The following PTPRT variants were observed in gnomAD, a reference collection of about 807,000 sequenced individuals.
PTPRT encodes protein tyrosine phosphatase receptor type T, also known as receptor-type tyrosine-protein phosphatase T.
In PTPRT, 56 loss-of-function variants were observed where a neutral mutation model predicts 176.8. That is an observed-to-expected ratio of 0.32 (90% confidence interval 0.26 to 0.40). PTPRT has a LOEUF of 0.40. Ranked by LOEUF, PTPRT falls within the 10% of genes least tolerant of loss-of-function variation. The probability of loss-of-function intolerance (pLI) is 1.00; values close to 1 mark genes in which losing one functional copy is unlikely to be tolerated. For missense variants in PTPRT, 1,540 were observed against 1,908.2 expected (o/e 0.81, Z 3.60); for synonymous variants, 783 against 739.0 (o/e 1.06, Z -0.96).
chr20:43,038,269 TATAAA>T (rs1340467222), intron 1 of PTPRT, among the ~76,000 whole-genome samples: 5 of 152,064 alleles, frequency 3.3e-5, no homozygotes, highest in African/African-American at 1.2e-4. Flanking sequence ...TAAGGAGCTG[TATAAA>T]ATACTAGTAG....
At chr20:42,277,183 C>T (rs1307108081) in intron 13 of PTPRT, among the ~76,000 whole-genome samples, 1 of 152,104 alleles carries the variant, frequency 6.6e-6, no homozygotes, top group Non-Finnish European at 1.5e-5. Flanking sequence ...CTTTCAGCAC[C>T]CACTCCAAGG....
chr20:42,956,283 T>C (rs759435197), intron 1 of PTPRT, among the ~76,000 whole-genome samples: 11 of 152,146 alleles, frequency 7.2e-5, no homozygotes, highest in Non-Finnish European at 1.3e-4. Flanking sequence ...AATTGGATCA[T>C]GGGGGTGGGA....
intron 16 of PTPRT, among the ~76,000 whole-genome samples, chr20:42,195,764 G>T (rs1991192005): frequency 6.6e-6 from 1 of 152,008 alleles, no homozygotes; most frequent in African/African-American, 2.4e-5. Flanking sequence ...TGACTGTGTA[G>T]GTTTATACCT....
At chr20:43,150,131 G>T (rs1373891585) in intron 1 of PTPRT, among the ~76,000 whole-genome samples, 1 of 152,174 alleles carries the variant, frequency 6.6e-6, no homozygotes, top group Non-Finnish European at 1.5e-5. Context: ...TTCTCATTCT[G>T]CAATGAGAAG....
At chr20:42,915,941 ATTGTTG>A (rs1010454486) in intron 1 of PTPRT, among the ~76,000 whole-genome samples, 2 of 151,076 alleles carry the variant, frequency 1.3e-5, no homozygotes, top group Non-Finnish European at 1.5e-5. Context: ...TGAGTGCCCA[ATTGTTG>A]TTGTTGTTGT....
At chr20:42,570,995 C>T (rs2073144116) in intron 7 of PTPRT, among the ~76,000 whole-genome samples, 1 of 152,176 alleles carries the variant, frequency 6.6e-6, no homozygotes, top group African/African-American at 2.4e-5. Flanking sequence ...ATGTTCAGCA[C>T]TGCAACAACC....
intron 1 of PTPRT, among the ~76,000 whole-genome samples, chr20:42,895,532 T>A (rs917253847): frequency 2.0e-4 from 30 of 152,036 alleles, no homozygotes; most frequent in African/African-American, 7.3e-4. Flanking sequence ...GTACTCAGGA[T>A]GTGTACCCCA....
chr20:42,689,212 A>C (rs1442468694), intron 6 of PTPRT, among the ~76,000 whole-genome samples: 1 of 152,236 alleles, frequency 6.6e-6, no homozygotes, highest in African/African-American at 2.4e-5. Context: ...CTTAGTGGGC[A>C]CACATACAAG....
intron 7 of PTPRT, among the ~76,000 whole-genome samples, chr20:42,536,760 T>C (rs1198064976): frequency 2.0e-5 from 3 of 152,200 alleles, no homozygotes; most frequent in African/African-American, 2.4e-5. Flanking sequence ...ATGAAAACTT[T>C]TTTTGTAATA....
intron 7 of PTPRT, among the ~76,000 whole-genome samples, chr20:42,523,391 T>A (rs2072212058): frequency 6.6e-6 from 1 of 152,218 alleles, no homozygotes. Flanking sequence ...CCAGAAATTT[T>A]ATTTGAATGT....
At chr20:42,887,935 A>T (rs1019309292) in intron 1 of PTPRT, among the ~76,000 whole-genome samples, 3 of 152,190 alleles carry the variant, frequency 2.0e-5, no homozygotes, top group Admixed American at 6.5e-5. Flanking sequence ...CTTATAAAAG[A>T]TGCCCTAGGC....
intron 7 of PTPRT, among the ~76,000 whole-genome samples, chr20:42,670,578 A>T (rs1260651531): frequency 1.3e-5 from 2 of 152,226 alleles, no homozygotes; most frequent in Non-Finnish European, 2.9e-5. Context: ...AAAATAGAAC[A>T]TGCAATCAAC....
chr20:42,820,043 G>T (rs1354031910), intron 2 of PTPRT, among the ~76,000 whole-genome samples: 1 of 152,170 alleles, frequency 6.6e-6, no homozygotes, highest in African/African-American at 2.4e-5. Flanking sequence ...TTCAGGAGTT[G>T]AACTCAGCTC....
At chr20:42,230,961 C>T (rs1258485901) in intron 15 of PTPRT, among the ~76,000 whole-genome samples, 1 of 152,180 alleles carries the variant, frequency 6.6e-6, no homozygotes, top group Non-Finnish European at 1.5e-5. Context: ...TAACCTCTTG[C>T]TCTAACCCTT....
At chr20:42,288,189 C>T (rs917264914) in intron 12 of PTPRT, among the ~76,000 whole-genome samples, 5 of 151,912 alleles carry the variant, frequency 3.3e-5, no homozygotes, top group Non-Finnish European at 5.9e-5. Flanking sequence ...ATGACCAGCA[C>T]CCAGATCAAA....
chr20:42,340,082 GA>G (rs750247281), intron 11 of PTPRT, among the ~76,000 whole-genome samples: 6 of 152,164 alleles, frequency 3.9e-5, no homozygotes, highest in Non-Finnish European at 7.3e-5. Context: ...TGTCATGATG[GA>G]AATGCCGTCC....
chr20:42,384,604 A>G (rs1221172207), intron 9 of PTPRT, among the ~76,000 whole-genome samples: 2 of 152,180 alleles, frequency 1.3e-5, no homozygotes, highest in East Asian at 1.9e-4. Flanking sequence ...TCTAACTTCA[A>G]TTCTTTTGGG....
intron 16 of PTPRT, among the ~76,000 whole-genome samples, chr20:42,184,955 C>G (rs964182453): frequency 6.6e-6 from 1 of 152,000 alleles, no homozygotes; most frequent in African/African-American, 2.4e-5. Context: ...TGGTATTAAA[C>G]TCATCCTGGC....
intron 1 of PTPRT, among the ~76,000 whole-genome samples, chr20:42,943,483 C>T (rs1980693851): frequency 6.6e-6 from 1 of 152,104 alleles, no homozygotes; most frequent in Non-Finnish European, 1.5e-5. Context: ...CTCTTACTTC[C>T]CCTCCCAGGT....
Sources: allele counts gnomAD v4.1 joint callset (sites outside exome capture counted in the v4.1 genomes callset), GRCh38; gene constraint gnomAD v4.1.1; transcripts MANE v1.5; gene names NCBI Gene and HGNC (gene_info 2026-07-23, HGNC 2026-07-21).